The following CCDC47 variants were observed in gnomAD, a reference collection of about 807,000 sequenced individuals.
CCDC47 encodes PAT complex subunit CCDC47.
In CCDC47, 41 loss-of-function variants were observed where a neutral mutation model predicts 60.5. The ratio of observed to expected loss-of-function variants is 0.68; its 90% confidence interval spans 0.53 to 0.88. The LOEUF (loss-of-function observed/expected upper bound fraction) is 0.88, where lower values mean the gene tolerates loss of function less well. Among genes scored for constraint, CCDC47 ranks in the 40% least tolerant of loss-of-function variants. The pLI, the probability that CCDC47 is intolerant of heterozygous loss-of-function variation, is 0.00. For missense variants in CCDC47, 513 were observed against 580.9 expected, an observed-to-expected ratio of 0.88 and a Z score of 1.20; for synonymous variants, 195 against 190.7, an observed-to-expected ratio of 1.02 and a Z score of -0.18.
chr17:63,763,825 A>G (rs1372939906), intron 4 of CCDC47, among the ~76,000 whole-genome samples, 191 bp downstream of exon 4: 1 of 151,776 alleles, frequency 6.6e-6, no homozygotes, highest in African/African-American at 2.4e-5. Flanking sequence ...TCCATCTCAA[A>G]AATAGTAATA....
At chr17:63,761,811 G>C (rs541818526) in intron 4 of CCDC47, 1 of 980,932 alleles carries the variant, frequency 1.0e-6, no homozygotes, top group South Asian at 4.7e-5. Context: ...GTTTGGACAG[G>C]GACTGAAATA....
chr17:63,752,485 G>A, intron 10 of CCDC47, 56 bp from the exon 11 acceptor site: 1 of 1,206,624 alleles, frequency 8.3e-7, no homozygotes, highest in Non-Finnish European at 1.2e-6. Flanking sequence ...ATATTTCCAG[G>A]TCACCCAACT....
intron 4 of CCDC47, 83 bp downstream of exon 4, chr17:63,763,933 T>C: frequency 9.6e-7 from 1 of 1,043,926 alleles, no homozygotes. Context: ...TGAAAGCAGT[T>C]AGATGCTTAT....
chr17:63,766,935 G>A, intron 1 of CCDC47: 1 of 983,546 alleles, frequency 1.0e-6, no homozygotes, highest in Non-Finnish European at 1.2e-6. Flanking sequence ...AGATTGATTT[G>A]TGTTCATGCA....
chr17:63,772,336 C>A (rs1487221175), intron 1 of CCDC47, among the ~76,000 whole-genome samples: 1 of 144,440 alleles, frequency 6.9e-6, no homozygotes, highest in African/African-American at 2.6e-5. Context: ...TCACTGCAAG[C>A]TCCGCCTCCC....
intron 6 of CCDC47, 51 bp from the exon 7 acceptor site, chr17:63,756,621 T>A (rs894748010): frequency 1.6e-6 from 2 of 1,265,994 alleles, no homozygotes; most frequent in African/African-American, 3.0e-5. Context: ...GGTTCTGTGA[T>A]AGGCAGATTT....
At chr17:63,765,724 A>G in intron 2 of CCDC47, 188 bp downstream of exon 2, 1 of 1,396,914 alleles carries the variant, frequency 7.2e-7, no homozygotes, top group Non-Finnish European at 9.3e-7. Flanking sequence ...TTTCAATAGA[A>G]GAACACAATT....
intron 12 of CCDC47, chr17:63,747,923 C>T (rs1203171790): frequency 2.8e-5 from 9 of 320,366 alleles, no homozygotes; most frequent in East Asian, 1.7e-4. Flanking sequence ...GGCACAATCT[C>T]GGGTCATTGT....
intron 12 of CCDC47, chr17:63,747,397 C>T (rs1156534170): frequency 8.1e-6 from 8 of 984,574 alleles, no homozygotes; most frequent in Non-Finnish European, 8.4e-6. Context: ...TTATTCATTG[C>T]AAATTTCTTA....
intron 1 of CCDC47, among the ~76,000 whole-genome samples, chr17:63,768,120 C>G (rs1301954229): frequency 6.6e-6 from 1 of 152,204 alleles, no homozygotes; most frequent in Non-Finnish European, 1.5e-5. Flanking sequence ...CAATAATCAT[C>G]AAAGGCTAAC....
At chr17:63,757,837 C>G (rs1286927527) in intron 6 of CCDC47, among the ~76,000 whole-genome samples, 1 of 152,158 alleles carries the variant, frequency 6.6e-6, no homozygotes, top group Non-Finnish European at 1.5e-5. Context: ...TTTAATCACA[C>G]CTGAGTTTAT....
chr17:63,771,045 G>GAAGGAAGA (rs759971442), intron 1 of CCDC47, among the ~76,000 whole-genome samples: 22 of 97,834 alleles, frequency 2.2e-4, no homozygotes, highest in African/African-American at 8.7e-4. Flanking sequence ...AGGAAGGAAG[G>GAAGGAAGA]AAGAAAGAAA....
At chr17:63,765,702 T>C in intron 2 of CCDC47, 1 of 1,381,106 alleles carries the variant, frequency 7.2e-7, no homozygotes, top group Non-Finnish European at 9.3e-7. Context: ...CTAACCCCTC[T>C]TCCAGTCAGG....
At position 63,745,572 on chromosome 17, in the gene CCDC47, GAA is replaced by G. The variant is rs1187374643; in HGVS notation, c.*1307_*1308del. ...TATTAACTTGGAGAAAAACCCATGT[GAA>G]AAGTTTCCATGCAGTTACAAAGGCA... On this transcript the variant is annotated 3_prime_UTR_variant, in exon 13 of 13. Coordinates refer to ENST00000225726, the MANE Select transcript of CCDC47 (RefSeq NM_020198.3). The G allele has an allele frequency of 1.3e-5, 2 of 152,130 alleles. No individual in the cohort carries two copies. Among genetic ancestry groups the G allele is most frequent in the Admixed American group, 1.3e-4 (2 of 15,260 alleles). The allele number at this position is 152,130 out of a possible 1,614,324, so 9.4% of individuals were successfully genotyped here. A position where few individuals can be genotyped will look rare whatever the true frequency, so the allele number is the denominator to read the frequency against.
intron 1 of CCDC47, among the ~76,000 whole-genome samples, chr17:63,772,041 C>T (rs2039346481): frequency 6.6e-6 from 1 of 151,982 alleles, no homozygotes; most frequent in African/African-American, 2.4e-5. Flanking sequence ...AAGATTGCGC[C>T]ACTGCACTCC....
chr17:63,764,975 A>C (rs1318907142), intron 2 of CCDC47, 128 bp from the exon 3 acceptor site: 2 of 1,438,098 alleles, frequency 1.4e-6, no homozygotes, highest in Non-Finnish European at 1.8e-6. Flanking sequence ...CAGATGTTAC[A>C]TGTTTTTAAC....
At chr17:63,757,231 G>C (rs1219620261) in intron 6 of CCDC47, among the ~76,000 whole-genome samples, 1 of 151,292 alleles carries the variant, frequency 6.6e-6, no homozygotes, top group Non-Finnish European at 1.5e-5. Flanking sequence ...AATTAGCCAG[G>C]CATTGTGATG....
rs151309464 is a variant in CCDC47 at position 63,746,484 on chromosome 17, C to T, written c.*397G>A. The T allele has an allele frequency of 6.1e-4, 99 of 162,310 alleles. 2 individuals are homozygous for T. The highest frequency in any genetic ancestry group is 1.8e-3 in the African/African-American group (74 of 41,734). The allele number at this position is 162,310 out of a possible 1,614,324, so 10.1% of individuals were successfully genotyped here. On this transcript the variant is annotated 3_prime_UTR_variant, in exon 13 of 13. Transcript: ENST00000225726. ...TTAGAGTCAGTCTTTATAGCCATTT[C>T]AACTGCTTGGTTTAAACAAAAAGCA... is the stretch of plus-strand genomic sequence containing the variant.
chr17:63,761,101 A>G lies in CCDC47; in HGVS notation c.670-122T>C, dbSNP rs1313262691. ...CTTTACGACACATTTGCCAGTTAGT[A>G]TAAATATCACTTTTAGACCTCATTT... On this transcript the variant is annotated intron_variant, in intron 5 of 12. Transcript: ENST00000225726. The G allele has an allele frequency of 2.8e-6, 4 of 1,415,694 alleles. No homozygotes were observed. The African/African-American group carries it at 4.3e-5, about 15-fold the overall frequency. 87.7% of individuals were successfully genotyped at this position (1,415,694 alleles called of 1,614,324 possible). A position where few individuals can be genotyped will look rare whatever the true frequency, so the allele number is the denominator to read the frequency against.
Sources: gnomAD v4.1 joint callset for allele counts (sites outside exome capture counted in the v4.1 genomes callset) on GRCh38, gnomAD v4.1.1 for gene constraint, MANE v1.5 for transcripts, NCBI Gene and HGNC (gene_info 2026-07-23, HGNC 2026-07-21) for gene names.